The following RGN variants were observed in gnomAD, a reference collection of about 807,000 sequenced individuals.
RGN encodes the protein epididymis secretory protein Li 41.
In RGN, 19 loss-of-function variants were observed where a neutral mutation model predicts 20.6. The observed-to-expected ratio is 0.92, with a 90% confidence interval of 0.64 to 1.35. The LOEUF is 1.35. Ranked by LOEUF, RGN falls within the 40% of genes most tolerant of loss-of-function variation. The pLI is 0.00. For missense variants in RGN, 302 were observed against 232.7 expected, an observed-to-expected ratio of 1.30 and a Z score of -1.94; for synonymous variants, 85 against 87.2, an observed-to-expected ratio of 0.97 and a Z score of 0.14.
chrX:47,093,234 A>G lies in RGN; in HGVS notation c.*287A>G. On this transcript the variant is annotated 3_prime_UTR_variant, in exon 8 of 8. Transcript: ENST00000397180. ...GTAAATTGCCAGGGTGGGTGGGTAC[A>G]TATCTCTTCTTGATTCTGCATTTCA... is the stretch of plus-strand genomic sequence containing the variant. 1.0e-5 allele frequency: 3 copies of G among 299,967 alleles called. No individual in the cohort carries two copies. The highest frequency in any genetic ancestry group is 1.7e-5 in the Non-Finnish European group (3 of 173,624). The allele number at this position is 299,967 out of a possible 1,213,427, so 24.7% of individuals were successfully genotyped here. A position where few individuals can be genotyped will look rare whatever the true frequency, so the allele number is the denominator to read the frequency against.
At chrX:47,086,371 AT>A (rs1163469908) in intron 4 of RGN, among the ~76,000 whole-genome samples, 2 of 111,797 alleles carry the variant, frequency 1.8e-5, no homozygotes, top group East Asian at 2.8e-4. Context: ...CTGAATAACT[AT>A]TTTTAATGCA....
intron 5 of RGN, among the ~76,000 whole-genome samples, chrX:47,091,133 C>T (rs192577064): frequency 9.0e-5 from 10 of 111,010 alleles, no homozygotes; most frequent in Middle Eastern, 4.7e-3. Flanking sequence ...TTGTATACCA[C>T]GGTTACCCCC....
At chrX:47,092,283 GTGAT>G in intron 7 of RGN, 68 bp downstream of exon 7, 1 of 945,542 alleles carries the variant, frequency 1.1e-6, no homozygotes, top group Non-Finnish European at 1.4e-6. Context: ...AAGTAACTGA[GTGAT>G]TGGTACTTTT....
At chrX:47,091,655 T>C in intron 5 of RGN, 23 bp from the exon 6 acceptor site, 6 of 1,197,309 alleles carry the variant, frequency 5.0e-6, no homozygotes, top group Non-Finnish European at 6.7e-6. Context: ...GGTTCTGTTT[T>C]TGTTTTTGCC....
At chrX:47,087,105 G>A (rs1488618771) in intron 4 of RGN, among the ~76,000 whole-genome samples, 2 of 111,966 alleles carry the variant, frequency 1.8e-5, no homozygotes, top group African/African-American at 6.5e-5. Context: ...TTACATGCAG[G>A]TTTAAAAGAA....
chrX:47,084,601 G>T lies in RGN; in HGVS notation c.346+1G>T. ...GATCCCGCCGGGAGGTACTTTGCTG[G>T]TAAGATTTCTCTTAACACCTACTTA... On this transcript the variant is annotated splice_donor_variant, in intron 4 of 7. Transcript: ENST00000397180. LOFTEE classifies it high-confidence loss of function. 1 of 1,172,221 alleles carries T rather than the reference G, an allele frequency of 8.5e-7. No homozygotes were observed. The highest frequency in any genetic ancestry group is 1.9e-5 in the South Asian group (1 of 52,860).
At chrX:47,088,202 C>T (rs782127227) in intron 4 of RGN, among the ~76,000 whole-genome samples, 6 of 106,991 alleles carry the variant, frequency 5.6e-5, no homozygotes, top group South Asian at 4.0e-4. Flanking sequence ...TCAAGGTGAT[C>T]GCACCCTGAA....
intron 7 of RGN, among the ~76,000 whole-genome samples, chrX:47,092,432 A>G (rs369909940): frequency 4.6e-4 from 52 of 112,024 alleles, no homozygotes; most frequent in African/African-American, 1.5e-3. Flanking sequence ...TTGTACATTA[A>G]TTTTTTTACT....
intron 4 of RGN, chrX:47,087,573 C>G (rs1238491136): frequency 9.1e-6 from 1 of 109,760 alleles, no homozygotes; most frequent in Non-Finnish European, 1.9e-5. Context: ...GGCCTCTGCA[C>G]AAGGATGACA....
At chrX:47,083,640 G>C (rs920500368) in intron 3 of RGN, among the ~76,000 whole-genome samples, 1 of 112,006 alleles carries the variant, frequency 8.9e-6, no homozygotes, top group Non-Finnish European at 1.9e-5. Context: ...GCCTGGCGTG[G>C]TGGCTCACGC....
At chrX:47,092,354 A>G in intron 7 of RGN, 139 bp downstream of exon 7, 1 of 521,441 alleles carries the variant, frequency 1.9e-6, no homozygotes, top group South Asian at 5.0e-5. Flanking sequence ...ACTAGACTGA[A>G]AAACATTTTA....
chrX:47,086,736 A>AGG (rs1930606972), intron 4 of RGN, among the ~76,000 whole-genome samples: 1 of 25,564 alleles, frequency 3.9e-5, no homozygotes, highest in East Asian at 6.3e-4. Context: ...TGATAACAGG[A>AGG]GAGAGAGAGA....
chrX:47,088,653 C>T (rs997912789), intron 4 of RGN, among the ~76,000 whole-genome samples: 4 of 109,835 alleles, frequency 3.6e-5, no homozygotes, highest in Non-Finnish European at 5.7e-5. Context: ...ATCCTTTGGC[C>T]GGGCGCGGTG....
intron 4 of RGN, among the ~76,000 whole-genome samples, chrX:47,086,221 T>C (rs1374824323): frequency 9.0e-6 from 1 of 111,517 alleles, no homozygotes; most frequent in Non-Finnish European, 1.9e-5. Context: ...GTGATTAAGT[T>C]GATGTTATAC....
In RGN at chrX:47,081,522, TGG is replaced by T. The variant is rs111659497; in HGVS notation, c.163+225_163+226del. Among the ~76,000 whole-genome samples the T allele has an allele frequency of 6.8e-3, 570 of 83,488 alleles. 6 individuals carry two copies. The highest frequency in any genetic ancestry group is 0.015 in the East Asian group (35 of 2,365). 72.5% of individuals were successfully genotyped at this position (83,488 alleles called of 115,157 possible). A position where few individuals can be genotyped will look rare whatever the true frequency, so the allele number is the denominator to read the frequency against. On this transcript the variant is annotated intron_variant, in intron 3 of 7. Coordinates refer to ENST00000397180, the MANE Select transcript of RGN (RefSeq NM_152869.4). The stretch of plus-strand genomic sequence containing the variant: ...AGGGGCAACATTCCTAGTTTTTTTT[TGG>T]GGGGGGGGGTGTTTTTGTTTATTTT...
chrX:47,084,376 C>T, intron 3 of RGN, 42 bp from the exon 4 acceptor site: 1 of 1,118,794 alleles, frequency 8.9e-7, no homozygotes, highest in South Asian at 2.2e-5. Context: ...GCCTCAGCCA[C>T]TAAACTGGTA....
intron 6 of RGN, 68 bp downstream of exon 6, chrX:47,091,877 C>A: frequency 8.8e-7 from 1 of 1,139,156 alleles, no homozygotes; most frequent in South Asian, 2.1e-5. Context: ...AAGTTACAGT[C>A]AGAATTTCTT....
chrX:47,085,516 CA>C (rs1328799426), intron 4 of RGN, among the ~76,000 whole-genome samples: 32 of 100,055 alleles, frequency 3.2e-4, no homozygotes, highest in East Asian at 1.8e-3. Context: ...GACTCCATCT[CA>C]AAAAAAAAAA....
At chrX:47,089,626 C>A in intron 4 of RGN, 150 bp from the exon 5 acceptor site, 1 of 181,229 alleles carries the variant, frequency 5.5e-6, no homozygotes, top group Non-Finnish European at 9.4e-6. Flanking sequence ...CACACACACA[C>A]ACACACATAT....
Sources: gnomAD v4.1 joint callset for allele counts (sites outside exome capture counted in the v4.1 genomes callset) on GRCh38, gnomAD v4.1.1 for gene constraint, MANE v1.5 for transcripts, NCBI Gene and HGNC (gene_info 2026-07-23, HGNC 2026-07-21) for gene names.